Variants in RNF150 observed in about 807,000 individuals in gnomAD.
The protein encoded by RNF150 is ring finger protein 150.
Under a neutral mutation model 39.3 loss-of-function variants are expected in RNF150, and 24 were observed. The ratio of observed to expected loss-of-function variants is 0.61; its 90% CI spans 0.44 to 0.86. The LOEUF is 0.86. Ranked by LOEUF, RNF150 falls within the 40% of genes least tolerant of loss-of-function variation. RNF150 has a pLI of 0.00. For synonymous variants in RNF150, 255 were observed against 227.3 expected (o/e 1.12, Z -1.10); for missense variants, 502 against 587.8 (o/e 0.85, Z 1.51).
chr4:140,990,664 TCTC>T (rs1410038722), intron 1 of RNF150, among the ~76,000 whole-genome samples: 2 of 152,228 alleles, frequency 1.3e-5, no homozygotes, highest in Non-Finnish European at 2.9e-5. Context: ...AAGAACATGA[TCTC>T]GTTCCTTTTT....
chr4:141,057,440 C>T (rs1046873092), intron 1 of RNF150, among the ~76,000 whole-genome samples: 3 of 151,918 alleles, frequency 2.0e-5, no homozygotes, highest in African/African-American at 7.2e-5. Context: ...ACAGATTGTT[C>T]TTGGTTACAT....
At chr4:141,020,211 A>G (rs1402319046) in intron 1 of RNF150, among the ~76,000 whole-genome samples, 2 of 151,932 alleles carry the variant, frequency 1.3e-5, no homozygotes, top group African/African-American at 2.4e-5. Flanking sequence ...CCTATGGTGT[A>G]CTTTCACTGA....
chr4:141,047,806 T>A (rs191526456), intron 1 of RNF150, among the ~76,000 whole-genome samples: 12 of 152,246 alleles, frequency 7.9e-5, no homozygotes, highest in African/African-American at 1.4e-4. Flanking sequence ...ATATATATAT[T>A]TTTTAAATCA....
chr4:140,972,228 A>C (rs1330811833), intron 1 of RNF150, among the ~76,000 whole-genome samples: 1 of 152,160 alleles, frequency 6.6e-6, no homozygotes, highest in African/African-American at 2.4e-5. Context: ...CTCAGGAGGA[A>C]TGTGTATGAA....
intron 1 of RNF150, among the ~76,000 whole-genome samples, chr4:141,106,189 T>C (rs893589958): frequency 6.6e-6 from 1 of 152,240 alleles, no homozygotes; most frequent in African/African-American, 2.4e-5. Flanking sequence ...CAGGTGTTCC[T>C]ACAGTACTTT....
intron 1 of RNF150, among the ~76,000 whole-genome samples, chr4:141,024,236 C>A (rs547423512): frequency 1.3e-5 from 2 of 152,084 alleles, no homozygotes; most frequent in Non-Finnish European, 2.9e-5. Flanking sequence ...CAGTGAAATA[C>A]TGAATGAGGA....
At chr4:141,186,953 CGATTATA>C (rs1481576086) in intron 1 of RNF150, among the ~76,000 whole-genome samples, 1 of 152,044 alleles carries the variant, frequency 6.6e-6, no homozygotes, top group Admixed American at 6.5e-5. Context: ...GTTAGGGTGT[CGATTATA>C]GATCTTTCCC....
At chr4:141,046,155 A>T (rs1578666298) in intron 1 of RNF150, among the ~76,000 whole-genome samples, 1 of 152,322 alleles carries the variant, frequency 6.6e-6, no homozygotes, top group East Asian at 1.9e-4. Flanking sequence ...ATCCCGAGAT[A>T]AGATTCAGCT....
chr4:140,915,887 C>T (rs1730803403), intron 5 of RNF150, among the ~76,000 whole-genome samples: 1 of 152,154 alleles, frequency 6.6e-6, no homozygotes, highest in African/African-American at 2.4e-5. Flanking sequence ...TTGCGGTTCA[C>T]CAATATCTGC....
chr4:141,142,433 A>G (rs1316432516), intron 1 of RNF150, among the ~76,000 whole-genome samples: 1 of 152,218 alleles, frequency 6.6e-6, no homozygotes, highest in Non-Finnish European at 1.5e-5. Flanking sequence ...CGGCACACAG[A>G]CAGGCTCTAG....
intron 6 of RNF150, among the ~76,000 whole-genome samples, chr4:140,874,739 A>G (rs1256662999): frequency 1.3e-5 from 2 of 152,134 alleles, no homozygotes; most frequent in African/African-American, 4.8e-5. Context: ...AGCCTCCTGA[A>G]TAGCCGGGAC....
chr4:141,035,721 T>C (rs534244799), intron 1 of RNF150, among the ~76,000 whole-genome samples: 12 of 152,294 alleles, frequency 7.9e-5, no homozygotes, highest in African/African-American at 2.9e-4. Context: ...GGTATGCAAC[T>C]GTAGCTTCAC....
intron 2 of RNF150, among the ~76,000 whole-genome samples, chr4:140,964,685 A>G (rs1053285154): frequency 6.6e-6 from 1 of 152,120 alleles, no homozygotes; most frequent in African/African-American, 2.4e-5. Context: ...TAAAGTTACA[A>G]ATTTCCCCTA....
intron 2 of RNF150, among the ~76,000 whole-genome samples, chr4:140,962,247 T>C (rs567327912): frequency 3.3e-4 from 50 of 152,116 alleles, no homozygotes; most frequent in African/African-American, 1.2e-3. Context: ...TCTAGAGCTG[T>C]GGTCACTAGC....
At chr4:141,148,004 TA>T (rs1727230648) in intron 1 of RNF150, among the ~76,000 whole-genome samples, 1 of 152,190 alleles carries the variant, frequency 6.6e-6, no homozygotes, top group Non-Finnish European at 1.5e-5. Context: ...GTAACATCCT[TA>T]AAATATTTTC....
At chr4:141,046,326 A>G (rs1736574942) in intron 1 of RNF150, among the ~76,000 whole-genome samples, 1 of 152,176 alleles carries the variant, frequency 6.6e-6, no homozygotes. Flanking sequence ...AATAGACCGC[A>G]TTCTTTTCTG....
chr4:141,049,377 T>C (rs1302771432), intron 1 of RNF150, among the ~76,000 whole-genome samples: 1 of 151,694 alleles, frequency 6.6e-6, no homozygotes, highest in Non-Finnish European at 1.5e-5. Context: ...ACAATAAAAT[T>C]AATGTCAAAA....
intron 1 of RNF150, among the ~76,000 whole-genome samples, chr4:140,993,568 G>A (rs1400559635): frequency 6.6e-6 from 1 of 152,166 alleles, no homozygotes; most frequent in Non-Finnish European, 1.5e-5. Flanking sequence ...CTACAGCCAG[G>A]TCTTCCCTGA....
chr4:140,870,041 G>C (rs979028410), intron 6 of RNF150, among the ~76,000 whole-genome samples: 2 of 152,136 alleles, frequency 1.3e-5, no homozygotes, highest in Non-Finnish European at 2.9e-5. Flanking sequence ...TTTTCATGAT[G>C]TGGCACAGTT....
Sources: allele counts gnomAD v4.1 joint callset (sites outside exome capture counted in the v4.1 genomes callset), GRCh38; gene constraint gnomAD v4.1.1; transcripts MANE v1.5; gene names NCBI Gene and HGNC (gene_info 2026-07-23, HGNC 2026-07-21).